ETFA: variants seen among roughly 807,000 people sequenced by gnomAD.
ETFA encodes the protein electron transfer flavoprotein subunit alpha, mitochondrial.
ETFA carries 22 observed loss-of-function variants against 46.2 expected under a neutral mutation model. The observed-to-expected ratio is 0.48, with a 90% CI of 0.34 to 0.68. The LOEUF (loss-of-function observed/expected upper bound fraction) is 0.68. Ranked by LOEUF, ETFA falls within the 30% of genes least tolerant of loss-of-function variation. The pLI, the probability that ETFA is intolerant of heterozygous loss-of-function variation, is 0.01. For missense variants in ETFA, 345 were observed against 401.1 expected (o/e 0.86, Z 1.19); for synonymous variants, 131 against 139.9 (o/e 0.94, Z 0.45).
chr15:76,239,556 C>G (rs1346911511), intron 9 of ETFA, among the ~76,000 whole-genome samples: 2 of 152,068 alleles, frequency 1.3e-5, no homozygotes, highest in African/African-American at 4.8e-5. Context: ...CACCTCCCAG[C>G]CCCTGGAAGC....
At chr15:76,231,049 AT>A in intron 10 of ETFA, 1 of 378,836 alleles carries the variant, frequency 2.6e-6, no homozygotes, top group South Asian at 3.4e-5. Flanking sequence ...AATACCCACT[AT>A]TTAGTAGACA....
intron 11 of ETFA, chr15:76,217,706 A>G (rs1340875643): frequency 1.4e-5 from 6 of 431,706 alleles, no homozygotes; most frequent in Admixed American, 4.9e-5. Flanking sequence ...AGATACTCTG[A>G]AAACTGGTCC....
intron 9 of ETFA, among the ~76,000 whole-genome samples, chr15:76,241,289 C>T (rs936835382): frequency 6.6e-6 from 1 of 151,034 alleles, no homozygotes; most frequent in African/African-American, 2.4e-5. Flanking sequence ...TCGCTTGAGG[C>T]CAGGAGTTTG....
intron 8 of ETFA, among the ~76,000 whole-genome samples, chr15:76,278,506 T>C (rs1211877157): frequency 1.3e-5 from 2 of 152,200 alleles, no homozygotes; most frequent in Non-Finnish European, 2.9e-5. Context: ...TCTCCAGTTT[T>C]TCCATAGCTC....
intron 8 of ETFA, among the ~76,000 whole-genome samples, chr15:76,281,927 G>A (rs2039657844): frequency 9.4e-6 from 1 of 106,110 alleles, no homozygotes; most frequent in African/African-American, 3.6e-5. Context: ...TTTTCCAGAC[G>A]GCATCTCACT....
chr15:76,256,658 T>C (rs2039348238), intron 9 of ETFA, among the ~76,000 whole-genome samples: 1 of 152,218 alleles, frequency 6.6e-6, no homozygotes, highest in East Asian at 1.9e-4. Flanking sequence ...AAGATTCTTC[T>C]AACAAGATGA....
intron 5 of ETFA, 156 bp downstream of exon 5, chr15:76,287,690 C>A: frequency 1.7e-6 from 1 of 593,308 alleles, no homozygotes; most frequent in East Asian, 3.1e-5. Context: ...TGTCAAGGGC[C>A]ACCAGCAATT....
intron 9 of ETFA, among the ~76,000 whole-genome samples, chr15:76,264,647 G>A (rs2039452083): frequency 6.6e-6 from 1 of 152,170 alleles, no homozygotes; most frequent in Non-Finnish European, 1.5e-5. Context: ...CTAATGCAGA[G>A]TGTCAAACTG....
Position 76,295,625 on chromosome 15 carries a change from A to C in ETFA, c.152T>G (p.Val51Gly). ...ITAATRLGGE[V>G]SCLVAGTKCD... ...TTTGGTTCCAGCTACTAAGCAGGACACTTCACCTCCAAGGCGTGTGGCTGC... is the reference window on the plus strand; with the variant it reads ...TTTGGTTCCAGCTACTAAGCAGGACCCTTCACCTCCAAGGCGTGTGGCTGC... The change falls in exon 2 of 12, where the codon GTG becomes GGG. Residue 51 changes from valine (V) to glycine (G), a missense_variant. Transcript: ENST00000557943. 1.2e-6 allele frequency: 2 copies of C among 1,613,898 alleles called. No individual in the cohort carries two copies. Among genetic ancestry groups the C allele is most frequent in the Non-Finnish European group, 1.7e-6 (2 of 1,179,850 alleles).
intron 9 of ETFA, among the ~76,000 whole-genome samples, chr15:76,252,245 T>C (rs2039306002): frequency 1.3e-5 from 2 of 152,190 alleles, no homozygotes; most frequent in Admixed American, 1.3e-4. Context: ...TACGGCTCAC[T>C]GCACCCTTGA....
At chr15:76,232,244 A>T (rs1203409517) in intron 9 of ETFA, among the ~76,000 whole-genome samples, 1 of 152,234 alleles carries the variant, frequency 6.6e-6, no homozygotes, top group Non-Finnish European at 1.5e-5. Flanking sequence ...TTGAAAATAA[A>T]AACACACTTC....
intron 9 of ETFA, among the ~76,000 whole-genome samples, chr15:76,268,350 C>G (rs1339377370): frequency 6.6e-6 from 1 of 152,084 alleles, no homozygotes; most frequent in Non-Finnish European, 1.5e-5. Flanking sequence ...TGGATCCCAA[C>G]CATGGACCGG....
At chr15:76,247,537 A>G (rs1227494219) in intron 9 of ETFA, among the ~76,000 whole-genome samples, 1 of 152,210 alleles carries the variant, frequency 6.6e-6, no homozygotes, top group Non-Finnish European at 1.5e-5. Flanking sequence ...CGCAACCATG[A>G]TAACAGCCCC....
At position 76,268,987 on chromosome 15, in the gene ETFA, A is replaced by G. The variant is rs1230185301; in HGVS notation, c.816+5425T>C. 2.6e-5 allele frequency among the ~76,000 whole-genome samples: 4 copies of G among 152,236 alleles called. No individual in the cohort carries two copies. The East Asian group carries it at 7.7e-4, about 29-fold the overall frequency. On this transcript the variant is annotated intron_variant, in intron 9 of 11. Coordinates refer to ENST00000557943, the MANE Select transcript of ETFA (RefSeq NM_000126.4). ...CAGGTTTTTGAAGCCTCTCAGGCTC[A>G]CTTGAACCTGCTCCCTACAACTGGT... is the stretch of plus-strand genomic sequence containing the variant.
chr15:76,230,312 C>T (rs2039053730), intron 10 of ETFA: 3 of 66,030 alleles, frequency 4.5e-5, no homozygotes, highest in Admixed American at 1.6e-4. Context: ...CTGCAAGCTC[C>T]GCCTCCCGGG....
intron 2 of ETFA, among the ~76,000 whole-genome samples, chr15:76,293,512 A>G (rs1368850689): frequency 6.6e-6 from 1 of 152,216 alleles, no homozygotes; most frequent in East Asian, 1.9e-4. Context: ...TTGGAATTAG[A>G]ATGGGGTTCT....
chr15:76,272,805 A>AATATATATATATATATAT (rs1379336424), intron 9 of ETFA, among the ~76,000 whole-genome samples: 19 of 78,556 alleles, frequency 2.4e-4, no homozygotes, highest in Admixed American at 6.3e-4. Flanking sequence ...TGTCTCTTAA[A>AATATATATATATATATAT]ATATATACAT....
chr15:76,301,084 T>C (rs1465565930), intron 1 of ETFA, among the ~76,000 whole-genome samples: 2 of 152,188 alleles, frequency 1.3e-5, no homozygotes, highest in African/African-American at 4.8e-5. Context: ...AATATTAATA[T>C]CTCATAGAGT....
chr15:76,290,292 G>A (rs1373498042), intron 4 of ETFA, among the ~76,000 whole-genome samples: 1 of 141,894 alleles, frequency 7.0e-6, no homozygotes, highest in Non-Finnish European at 1.5e-5. Context: ...ATCTTATGCA[G>A]CCATAAAAAA....
Sources: allele counts gnomAD v4.1 joint callset (sites outside exome capture counted in the v4.1 genomes callset), GRCh38; gene constraint gnomAD v4.1.1; transcripts MANE v1.5; gene names NCBI Gene and HGNC (gene_info 2026-07-23, HGNC 2026-07-21).